Variants in SLC13A3 observed in about 807,000 individuals in gnomAD.
The protein encoded by SLC13A3 is solute carrier family 13 member 3, also known as Na(+)/dicarboxylate cotransporter 3.
In SLC13A3, 40 loss-of-function variants were observed where a neutral mutation model predicts 59.0. That is an observed-to-expected ratio of 0.68 (90% CI 0.53 to 0.88). SLC13A3 has a LOEUF of 0.88. Ranked by LOEUF, SLC13A3 falls within the 40% of genes least tolerant of loss-of-function variation. The probability of loss-of-function intolerance (pLI) is 0.00; values close to 1 mark genes in which losing one functional copy is unlikely to be tolerated. For synonymous variants in SLC13A3, 317 were observed against 330.3 expected, an observed-to-expected ratio of 0.96 and a Z score of 0.44; for missense variants, 699 against 783.2, an observed-to-expected ratio of 0.89 and a Z score of 1.28.
At chr20:46,577,919 A>G (rs2062094945) in intron 9 of SLC13A3, among the ~76,000 whole-genome samples, 1 of 152,246 alleles carries the variant, frequency 6.6e-6, no homozygotes, top group East Asian at 1.9e-4. Context: ...ACTGGAAAGA[A>G]GAAATGGTCC....
chr20:46,600,044 G>A lies in SLC13A3; in HGVS notation c.542-7C>T, dbSNP rs1289460772. On this transcript the variant is annotated splice_polypyrimidine_tract_variant and splice_region_variant and intron_variant, in intron 3 of 12. Coordinates refer to ENST00000279027, the MANE Select transcript of SLC13A3 (RefSeq NM_022829.6). ...CCGTTTCTCCGCACAGCAGCTAGGA[G>A]GAAAGAGCATGATGTCTTTAATGTA... The A allele has an allele frequency of 1.3e-6, 2 of 1,555,974 alleles. No homozygotes were observed. The highest frequency in any genetic ancestry group is 1.8e-6 in the Non-Finnish European group (2 of 1,140,226).
chr20:46,560,032 C>T lies in SLC13A3; in HGVS notation c.1799G>A (p.Arg600Gln), dbSNP rs142217156. 30 of 1,613,778 alleles carry T rather than the reference C, an allele frequency of 1.9e-5. No homozygotes were observed. The highest frequency in any genetic ancestry group is 4.0e-5 in the African/African-American group (3 of 74,880). ...LPPTLANDTF[R>Q]TL ...GTCCTCCAGGGGGACTCAGAGGGTC[C>T]GAAATGTGTCATTGGCCAAGGTGGG... Residue 600 changes from arginine (R) to glutamine (Q), a missense_variant, in exon 13 of 13, where the codon CGG becomes CAG. By Grantham distance (43) the Arg-to-Gln change is conservative (BLOSUM62 1). Transcript: ENST00000279027.
chr20:46,622,647 T>C (rs1447703432), intron 1 of SLC13A3, among the ~76,000 whole-genome samples: 1 of 151,210 alleles, frequency 6.6e-6, no homozygotes, highest in Non-Finnish European at 1.5e-5. Flanking sequence ...TGTGTGTGTG[T>C]GTGTGTGTGT....
At chr20:46,672,241 G>A (rs2063097072), upstream of SLC13A3, among the ~76,000 whole-genome samples, 2 of 152,216 alleles carry the variant, frequency 1.3e-5, no homozygotes, top group African/African-American at 2.4e-5. Flanking sequence ...TTGAATTGAT[G>A]TGCAAATCCC....
At chr20:46,636,571 C>CT (rs2062797253) in intron 1 of SLC13A3, among the ~76,000 whole-genome samples, 1 of 152,200 alleles carries the variant, frequency 6.6e-6, no homozygotes, top group African/African-American at 2.4e-5. Context: ...TTGGAGGGCA[C>CT]TTTTTTGTTT....
upstream of SLC13A3, among the ~76,000 whole-genome samples, chr20:46,674,604 C>T (rs3972348): frequency 0.44 from 56,123 of 127,730 alleles, 13,195 homozygotes; most frequent in Non-Finnish European, 0.52. Context: ...CGCGCGCGCG[C>T]GTGTGTGTGT....
chr20:46,648,989 T>C (rs1253045864), intron 1 of SLC13A3, among the ~76,000 whole-genome samples: 1 of 151,534 alleles, frequency 6.6e-6, no homozygotes, highest in East Asian at 1.9e-4. Flanking sequence ...AGACTCTGCA[T>C]TCTGGCTTTG....
At chr20:46,618,703 A>C (rs2062585969) in intron 1 of SLC13A3, among the ~76,000 whole-genome samples, 1 of 152,258 alleles carries the variant, frequency 6.6e-6, no homozygotes. Context: ...CACAGCCCCC[A>C]GAACTGTAAG....
intron 1 of SLC13A3, among the ~76,000 whole-genome samples, chr20:46,657,583 T>C (rs551584406): frequency 6.6e-6 from 1 of 152,296 alleles, no homozygotes; most frequent in Admixed American, 6.5e-5. Context: ...GTTCCCCACC[T>C]CATCCTCCAT....
chr20:46,600,360 GAAAGA>G (rs1406257269), intron 3 of SLC13A3, among the ~76,000 whole-genome samples: 8 of 145,848 alleles, frequency 5.5e-5, no homozygotes, highest in African/African-American at 1.5e-4. Context: ...GAAAGGAAAG[GAAAGA>G]AAAGGAAGGG....
chr20:46,611,597 C>T (rs1043558615), intron 2 of SLC13A3, among the ~76,000 whole-genome samples: 11 of 152,162 alleles, frequency 7.2e-5, no homozygotes, highest in African/African-American at 1.9e-4. Context: ...TCTTTTCCTA[C>T]GCCCTCCCCT....
intron 1 of SLC13A3, among the ~76,000 whole-genome samples, chr20:46,625,794 G>A (rs1486882177): frequency 1.3e-5 from 2 of 152,202 alleles, no homozygotes; most frequent in African/African-American, 2.4e-5. Flanking sequence ...TTTGCTCAGC[G>A]TGATGTCTGT....
intron 1 of SLC13A3, among the ~76,000 whole-genome samples, chr20:46,669,531 A>G (rs1344511625): frequency 6.6e-6 from 1 of 152,168 alleles, no homozygotes; most frequent in Non-Finnish European, 1.5e-5. Flanking sequence ...ACCCTCAACT[A>G]GACTGTTCCC....
chr20:46,674,588 T>G (rs991661961), upstream of SLC13A3, among the ~76,000 whole-genome samples: 1 of 136,756 alleles, frequency 7.3e-6, no homozygotes, highest in African/African-American at 2.9e-5. Context: ...AGGTGGGGAG[T>G]GCGCGCGCGC....
At chr20:46,576,288 T>C (rs1010187562) in intron 9 of SLC13A3, among the ~76,000 whole-genome samples, 2 of 152,098 alleles carry the variant, frequency 1.3e-5, no homozygotes, top group African/African-American at 4.8e-5. Flanking sequence ...CCTAAACGTG[T>C]GGGCATGGTT....
At position 46,589,210 on chromosome 20, in the gene SLC13A3, A is replaced by G. The variant is rs1344154666; in HGVS notation, c.966T>C (p.Asp322=). 1.2e-6 allele frequency: 2 copies of G among 1,614,050 alleles called. No homozygotes were observed. The highest frequency in any genetic ancestry group is 1.7e-6 in the Non-Finnish European group (2 of 1,180,034). Residue 322 remains aspartate (D), a synonymous_variant, in exon 7 of 13, where the codon GAT becomes GAC. Coordinates refer to ENST00000279027, the MANE Select transcript of SLC13A3 (RefSeq NM_022829.6). ...CTTCCCGAATTACAGCTCGAGCCCT[A>G]TCTTCTGCATTGGTTCTTATCTCAG... is the stretch of plus-strand genomic sequence containing the variant. ...NKSEIRTNAE[D]RARAVIREEY...
At chr20:46,673,280 C>T (rs1193212437), upstream of SLC13A3, among the ~76,000 whole-genome samples, 2 of 152,148 alleles carry the variant, frequency 1.3e-5, no homozygotes, top group African/African-American at 4.8e-5. Flanking sequence ...AAATAACACG[C>T]TATGTGAGGT....
chr20:46,557,837 A>C lies in SLC13A3; in HGVS notation c.*2185T>G, dbSNP rs966411820. On this transcript the variant is annotated 3_prime_UTR_variant, in exon 13 of 13. Transcript: ENST00000279027. ...ACCAGAACATGACAGGTTCCCAATAAATGTTTATTGAATGAATAAATGGAA... is the reference window on the plus strand; with the variant it reads ...ACCAGAACATGACAGGTTCCCAATACATGTTTATTGAATGAATAAATGGAA... 1 of 152,178 alleles carries C rather than the reference A, an allele frequency of 6.6e-6. No individual in the cohort carries two copies. 9.4% of individuals were successfully genotyped at this position (152,178 alleles called of 1,614,324 possible). A position where few individuals can be genotyped will look rare whatever the true frequency, so the allele number is the denominator to read the frequency against.
intron 6 of SLC13A3, 68 bp from the exon 7 acceptor site, chr20:46,589,323 C>A: frequency 7.5e-7 from 1 of 1,335,364 alleles, no homozygotes. Flanking sequence ...CTACAACAAG[C>A]ACCACCACCT....
Sources: gnomAD v4.1 joint callset for allele counts (sites outside exome capture counted in the v4.1 genomes callset) on GRCh38, gnomAD v4.1.1 for gene constraint, MANE v1.5 for transcripts, NCBI Gene and HGNC (gene_info 2026-07-23, HGNC 2026-07-21) for gene names.